The following MYRIP variants were observed in gnomAD, a reference collection of about 807,000 sequenced individuals.
MYRIP encodes myosin VIIA and Rab interacting protein.
In MYRIP, 49 loss-of-function variants were observed where a neutral mutation model predicts 98.0. The ratio of observed to expected loss-of-function variants is 0.50; its 90% CI spans 0.40 to 0.63. The LOEUF is 0.63. Among genes scored for constraint, MYRIP ranks in the 30% least tolerant of loss-of-function variants. The pLI, the probability that MYRIP is intolerant of heterozygous loss-of-function variation, is 0.00. For synonymous variants in MYRIP, 404 were observed against 409.5 expected, an observed-to-expected ratio of 0.99 and a Z score of 0.16; for missense variants, 1,004 against 1,058.2, an observed-to-expected ratio of 0.95 and a Z score of 0.71.
chr3:40,096,570 G>A (rs749659695), intron 3 of MYRIP, among the ~76,000 whole-genome samples: 1 of 152,204 alleles, frequency 6.6e-6, no homozygotes, highest in Non-Finnish European at 1.5e-5. Context: ...TAATGGGTCT[G>A]TTTCAGCTCT....
chr3:39,915,191 C>T (rs1429377837), intron 2 of MYRIP, among the ~76,000 whole-genome samples: 1 of 152,044 alleles, frequency 6.6e-6, no homozygotes, highest in Admixed American at 6.5e-5. Context: ...AAATCTGGCT[C>T]GTCCTCCAAC....
chr3:39,872,583 C>T (rs941046098), intron 1 of MYRIP, among the ~76,000 whole-genome samples: 68 of 148,994 alleles, frequency 4.6e-4, no homozygotes, highest in African/African-American at 1.5e-3. Context: ...TGAGAACATG[C>T]GGTGTTTGGT....
At position 40,249,656 on chromosome 3, in the gene MYRIP, G is replaced by A. The variant is rs565275915; in HGVS notation, c.2263-566G>A. On this transcript the variant is annotated intron_variant, in intron 13 of 16. Transcript: ENST00000302541. ...TTCAGACTCTGCTGAAAGAAAATCT[G>A]AGCTCTCTCTTGACCTTCCCATGTT... Among the ~76,000 whole-genome samples, 6 of 152,274 alleles carry A rather than the reference G, an allele frequency of 3.9e-5. No homozygotes were observed. The South Asian group carries it at 1.2e-3, about 32-fold the overall frequency.
chr3:40,048,627 T>C (rs1559379685), intron 3 of MYRIP, among the ~76,000 whole-genome samples: 1 of 152,144 alleles, frequency 6.6e-6, no homozygotes, highest in Non-Finnish European at 1.5e-5. Context: ...TTTCTTCTTT[T>C]CATCTCAGTG....
At chr3:40,012,591 G>C (rs1946782802) in intron 2 of MYRIP, among the ~76,000 whole-genome samples, 1 of 152,180 alleles carries the variant, frequency 6.6e-6, no homozygotes, top group Non-Finnish European at 1.5e-5. Context: ...TGAATAGGTG[G>C]ACTTAGTGAA....
chr3:40,218,571 A>T (rs1208537643), intron 11 of MYRIP, among the ~76,000 whole-genome samples: 2 of 50,472 alleles, frequency 4.0e-5, no homozygotes, highest in Middle Eastern at 7.6e-3. Flanking sequence ...ACATACACAC[A>T]TACACATTTA....
At chr3:40,234,199 C>A in intron 12 of MYRIP, 146 bp downstream of exon 12, 3 of 864,554 alleles carry the variant, frequency 3.5e-6, no homozygotes, top group Non-Finnish European at 4.9e-6. Flanking sequence ...TCAGGAAGGA[C>A]CTTAGGTTGG....
intron 1 of MYRIP, among the ~76,000 whole-genome samples, chr3:39,812,747 G>A (rs1176413824): frequency 1.3e-5 from 2 of 152,232 alleles, no homozygotes; most frequent in Admixed American, 6.5e-5. Context: ...GGTGGCGCCA[G>A]GTTGGCTGGA....
At chr3:40,221,042 C>CAAAAAAAAAAAAAAAAAAAAAAAA (rs150976340) in intron 11 of MYRIP, among the ~76,000 whole-genome samples, 1 of 61,610 alleles carries the variant, frequency 1.6e-5, no homozygotes, top group Non-Finnish European at 3.1e-5. Context: ...GGCAAGTCAC[C>CAAAAAAAAAAAAAAAAAAAAAAAA]AAAAAAAAAA....
chr3:40,063,907 G>T (rs916021644), intron 3 of MYRIP, among the ~76,000 whole-genome samples: 7 of 152,162 alleles, frequency 4.6e-5, no homozygotes, highest in Admixed American at 4.6e-4. Context: ...AGGGAGCCCA[G>T]TGGCTAGAGC....
intron 1 of MYRIP, among the ~76,000 whole-genome samples, chr3:39,892,569 GCAAA>G (rs1448467419): frequency 2.0e-5 from 3 of 152,282 alleles, no homozygotes; most frequent in South Asian, 4.1e-4. Flanking sequence ...TGCCTAGTGA[GCAAA>G]CAGACTGTTT....
chr3:39,932,904 G>A (rs6803701), intron 2 of MYRIP, among the ~76,000 whole-genome samples: 2 of 151,992 alleles, frequency 1.3e-5, no homozygotes, highest in African/African-American at 2.4e-5. Context: ...TTGGCACACC[G>A]TCTGAATTAG....
chr3:39,869,782 T>C (rs1380086288), intron 1 of MYRIP, among the ~76,000 whole-genome samples: 1 of 152,102 alleles, frequency 6.6e-6, no homozygotes, highest in Non-Finnish European at 1.5e-5. Context: ...AAACTCCTCA[T>C]CTCCCTCAGA....
intron 12 of MYRIP, among the ~76,000 whole-genome samples, chr3:40,240,267 ATC>A (rs1952965533): frequency 6.6e-6 from 1 of 152,114 alleles, no homozygotes; most frequent in African/African-American, 2.4e-5. Flanking sequence ...ATTGATCTAT[ATC>A]TCTGTTTTGG....
At chr3:40,252,128 C>G in intron 16 of MYRIP, 129 bp downstream of exon 16, 1 of 717,104 alleles carries the variant, frequency 1.4e-6, no homozygotes. Context: ...GTCTTATGGT[C>G]TGTTGGATTT....
At chr3:40,063,703 T>G (rs1255337622) in intron 3 of MYRIP, among the ~76,000 whole-genome samples, 1 of 152,216 alleles carries the variant, frequency 6.6e-6, no homozygotes, top group African/African-American at 2.4e-5. Context: ...AATTTTGATC[T>G]CCTTGAAATT....
At chr3:39,924,889 A>G (rs1944384350) in intron 2 of MYRIP, among the ~76,000 whole-genome samples, 1 of 151,990 alleles carries the variant, frequency 6.6e-6, no homozygotes, top group Admixed American at 6.6e-5. Context: ...GTCTGAAAGG[A>G]AATAAAAATT....
intron 12 of MYRIP, 21 bp downstream of exon 12, chr3:40,234,074 C>A (rs775182716): frequency 8.2e-6 from 13 of 1,585,178 alleles, no homozygotes; most frequent in Middle Eastern, 2.1e-4. Context: ...ATGGAGGTGC[C>A]CTGTCTAGGG....
At chr3:39,997,579 A>C (rs1320801302) in intron 2 of MYRIP, among the ~76,000 whole-genome samples, 1 of 152,192 alleles carries the variant, frequency 6.6e-6, no homozygotes, top group African/African-American at 2.4e-5. Flanking sequence ...GACCAGACGG[A>C]TTCACAGCCG....
Sources: gnomAD v4.1 joint callset for allele counts (sites outside exome capture counted in the v4.1 genomes callset) on GRCh38, gnomAD v4.1.1 for gene constraint, MANE v1.5 for transcripts, NCBI Gene and HGNC (gene_info 2026-07-23, HGNC 2026-07-21) for gene names.